Variants in SH3PXD2B observed in about 807,000 individuals in gnomAD.
SH3PXD2B encodes the protein SH3 and PX domains 2B.
Under a neutral mutation model 73.1 loss-of-function variants are expected in SH3PXD2B, and 37 were observed. That is an observed-to-expected ratio of 0.51 (90% CI 0.39 to 0.67). SH3PXD2B has a LOEUF of 0.67. Ranked by LOEUF, SH3PXD2B falls within the 30% of genes least tolerant of loss-of-function variation. SH3PXD2B has a pLI of 0.00. For missense variants in SH3PXD2B, 1,053 were observed against 1,197.8 expected, an observed-to-expected ratio of 0.88 and a Z score of 1.78; for synonymous variants, 457 against 480.5, an observed-to-expected ratio of 0.95 and a Z score of 0.64.
chr5:172,432,968 A>C (rs1001383554), intron 1 of SH3PXD2B, among the ~76,000 whole-genome samples: 11 of 150,026 alleles, frequency 7.3e-5, no homozygotes, highest in Non-Finnish European at 1.5e-4. Flanking sequence ...ATCTAAATGT[A>C]TGTGCGTTTG....
chr5:172,369,233 G>GT lies in SH3PXD2B; in HGVS notation c.427+4556dup, dbSNP rs566281616. Among the ~76,000 whole-genome samples the GT allele has an allele frequency of 6.2e-4, 92 of 148,150 alleles. 1 individual carries two copies. The South Asian group carries it at 0.017, about 27-fold the overall frequency. ...TATTTTTTTTGTTTTGTTTTGTTTT[G>GT]TTTGTTTTGTTTTTTTTTTAAATAT... On this transcript the variant is annotated intron_variant, in intron 6 of 12. Transcript: ENST00000311601.
chr5:172,388,726 C>A (rs867308335), intron 4 of SH3PXD2B, among the ~76,000 whole-genome samples: 1 of 152,214 alleles, frequency 6.6e-6, no homozygotes, highest in African/African-American at 2.4e-5. Flanking sequence ...GCAGAATAGG[C>A]TGATTTGGGC....
At chr5:172,345,648 C>T (rs538300786) in intron 12 of SH3PXD2B, among the ~76,000 whole-genome samples, 21 of 152,108 alleles carry the variant, frequency 1.4e-4, no homozygotes, top group Non-Finnish European at 2.6e-4. Flanking sequence ...AAGAGAAATG[C>T]AGGAAGAGAA....
In SH3PXD2B at chr5:172,346,229, G is replaced by C. The variant is rs761097663; in HGVS notation, c.1095C>G (p.Ile365Met). The C allele has an allele frequency of 6.2e-7, 1 of 1,613,972 alleles. No homozygotes were observed. Among genetic ancestry groups the C allele is most frequent in the Non-Finnish European group, 8.5e-7 (1 of 1,180,028 alleles). Residue 365 changes from isoleucine to methionine, a missense_variant, in exon 12 of 13, where the codon ATC (isoleucine) becomes ATG (methionine). By Grantham distance (10) the Ile-to-Met change is conservative (BLOSUM62 1). This residue lies in a region of SH3PXD2B where 466 missense variants were observed against 607.1 expected (regional missense o/e 0.77). Transcript: ENST00000311601. ...PRGLNLPKPP[I>M]PPQVEEEYYT... Reference sequence around the variant, plus strand: ...AATACTCTTCCTCCACTTGGGGCGGGATGGGCGGCTTCGGCAGGTTGAGGC... The same window carrying C: ...AATACTCTTCCTCCACTTGGGGCGGCATGGGCGGCTTCGGCAGGTTGAGGC...
intron 2 of SH3PXD2B, among the ~76,000 whole-genome samples, chr5:172,408,231 T>TTA (rs1758607575): frequency 6.6e-6 from 1 of 152,128 alleles, no homozygotes; most frequent in Non-Finnish European, 1.5e-5. Context: ...GAACTTGCTT[T>TTA]TAGTTTCACT....
Position 172,344,177 on chromosome 5 carries a change from C to T in SH3PXD2B, c.1188+1959G>A, listed in dbSNP as rs377354062. Among the ~76,000 whole-genome samples the T allele has an allele frequency of 2.6e-5, 4 of 152,036 alleles. No homozygotes were observed. In the East Asian group the frequency reaches 7.7e-4, roughly 29 times the overall value. ...AAGTAACTAAGGTGTTACTGGTAGC[C>T]CTACTGCTAGAATGCTGTGGTTCCA... On this transcript the variant is annotated intron_variant, in intron 12 of 12. Transcript: ENST00000311601.
chr5:172,384,214 G>A (rs994831916), intron 4 of SH3PXD2B, among the ~76,000 whole-genome samples: 6 of 152,074 alleles, frequency 3.9e-5, no homozygotes, highest in Admixed American at 2.0e-4. Context: ...ATGTGCCGAC[G>A]CTGCAGCAGT....
intron 1 of SH3PXD2B, among the ~76,000 whole-genome samples, chr5:172,452,532 C>T (rs1430578130): frequency 6.6e-6 from 1 of 152,178 alleles, no homozygotes; most frequent in Admixed American, 6.5e-5. Context: ...TGACCTTAGG[C>T]GTGGGACCTC....
intron 3 of SH3PXD2B, among the ~76,000 whole-genome samples, chr5:172,401,101 G>T (rs189924770): frequency 1.3e-5 from 2 of 152,306 alleles, no homozygotes; most frequent in African/African-American, 4.8e-5. Context: ...TCTCAACAAG[G>T]CATTGATCAA....
At chr5:172,439,671 C>CGCGA (rs1318831155) in intron 1 of SH3PXD2B, among the ~76,000 whole-genome samples, 10 of 112,778 alleles carry the variant, frequency 8.9e-5, no homozygotes, top group African/African-American at 4.1e-4. Flanking sequence ...TATGTGTGTG[C>CGCGA]GTGCGTGCGC....
intron 3 of SH3PXD2B, among the ~76,000 whole-genome samples, chr5:172,395,981 T>C (rs1758285752): frequency 6.6e-6 from 1 of 152,028 alleles, no homozygotes; most frequent in Non-Finnish European, 1.5e-5. Flanking sequence ...GAGATTACTA[T>C]TGATCTAAGA....
intron 4 of SH3PXD2B, among the ~76,000 whole-genome samples, chr5:172,393,845 C>A (rs1380849344): frequency 6.6e-6 from 1 of 152,132 alleles, no homozygotes; most frequent in Non-Finnish European, 1.5e-5. Context: ...GTTCAAGGGA[C>A]AGGAAGCTGC....
Position 172,337,869 on chromosome 5 carries a change from T to A in SH3PXD2B, c.*500A>T, listed in dbSNP as rs962373048. ...TGGAATGCATTTCTTCAGGATGAAG[T>A]TCCTTCTGGTAGCAGGCAATTTAGG... On this transcript the variant is annotated 3_prime_UTR_variant, in exon 13 of 13. Transcript: ENST00000311601. The A allele has an allele frequency of 5.0e-6, 5 of 1,007,676 alleles. No homozygotes were observed. Among genetic ancestry groups the A allele is most frequent in the Non-Finnish European group, 5.9e-6 (5 of 842,722 alleles). 62.4% of individuals were successfully genotyped at this position (1,007,676 alleles called of 1,614,324 possible).
At chr5:172,433,807 A>T (rs757865377) in intron 1 of SH3PXD2B, among the ~76,000 whole-genome samples, 1 of 152,222 alleles carries the variant, frequency 6.6e-6, no homozygotes, top group Non-Finnish European at 1.5e-5. Flanking sequence ...CCAGAAATGG[A>T]GAGATCTCTA....
chr5:172,364,714 C>T (rs1376472300), intron 6 of SH3PXD2B, among the ~76,000 whole-genome samples: 1 of 152,030 alleles, frequency 6.6e-6, no homozygotes, highest in African/African-American at 2.4e-5. Context: ...CCAAAACCAC[C>T]CAATTGTGGA....
At chr5:172,438,218 G>T (rs116351813) in intron 1 of SH3PXD2B, among the ~76,000 whole-genome samples, 1,864 of 152,254 alleles carry the variant, frequency 0.012, 46 homozygotes, top group African/African-American at 0.043. Context: ...CAGCCTAGAA[G>T]TCACCTCTCC....
Position 172,336,869 on chromosome 5 carries a change from G to A in SH3PXD2B, c.*1500C>T. ...CTCAGTTTGACAGATGACCACATCT[G>A]CCCTGGGTTTCTTCAAGGGAGAAAA... On this transcript the variant is annotated 3_prime_UTR_variant, in exon 13 of 13. Coordinates refer to ENST00000311601, the MANE Select transcript of SH3PXD2B (RefSeq NM_001017995.3). 1.0e-6 allele frequency: 1 copy of A among 985,444 alleles called. No homozygotes were observed. Among genetic ancestry groups the A allele is most frequent in the South Asian group, 4.7e-5 (1 of 21,280 alleles). The allele number at this position is 985,444 out of a possible 1,614,324, so 61.0% of individuals were successfully genotyped here. A position where few individuals can be genotyped will look rare whatever the true frequency, so the allele number is the denominator to read the frequency against.
At chr5:172,415,459 A>G (rs530311769) in intron 2 of SH3PXD2B, among the ~76,000 whole-genome samples, 1 of 152,268 alleles carries the variant, frequency 6.6e-6, no homozygotes, top group African/African-American at 2.4e-5. Flanking sequence ...TTAGGAGTGC[A>G]AGTTTCAGAT....
chr5:172,421,326 T>C lies in SH3PXD2B; in HGVS notation c.156+1090A>G, dbSNP rs1758958701. Reference sequence around the variant, plus strand: ...TAGACTTGTTTTACCCTAATGGGGATGTGCTTATACCGAGCTGTTCACATT... The same window carrying C: ...TAGACTTGTTTTACCCTAATGGGGACGTGCTTATACCGAGCTGTTCACATT... On this transcript the variant is annotated intron_variant, in intron 2 of 12. Coordinates refer to ENST00000311601, the MANE Select transcript of SH3PXD2B (RefSeq NM_001017995.3). This position sits in a 1 kb window ranked among gnomAD's most constrained non-coding sequence, Gnocchi z 4.0. 6.6e-6 allele frequency among the ~76,000 whole-genome samples: 1 copy of C among 152,238 alleles called. No homozygotes were observed. The highest frequency in any genetic ancestry group is 2.4e-5 in the African/African-American group (1 of 41,458).
Sources: gnomAD v4.1 joint callset for allele counts (sites outside exome capture counted in the v4.1 genomes callset) on GRCh38, gnomAD v4.1.1 for gene constraint, gnomAD v4.1.1 regional missense constraint, Gnocchi (gnomAD v3.1) non-coding constraint, MANE v1.5 for transcripts, NCBI Gene and HGNC (gene_info 2026-07-23, HGNC 2026-07-21) for gene names.